PCBP3: variants seen among roughly 807,000 people sequenced by gnomAD.
PCBP3 encodes the protein poly(rC)-binding protein 3.
In PCBP3, 25 loss-of-function variants were observed where a neutral mutation model predicts 52.7. The observed-to-expected ratio is 0.47, with a 90% CI of 0.35 to 0.66. The LOEUF (loss-of-function observed/expected upper bound fraction) is 0.66. Among genes scored for constraint, PCBP3 ranks in the 30% least tolerant of loss-of-function variants. PCBP3 has a pLI of 0.01. For synonymous variants in PCBP3, 162 were observed against 183.0 expected (o/e 0.89, Z 0.93); for missense variants, 391 against 490.3 (o/e 0.80, Z 1.91).
At chr21:45,754,351 G>A (rs911468447) in intron 3 of PCBP3, among the ~76,000 whole-genome samples, 3 of 152,162 alleles carry the variant, frequency 2.0e-5, no homozygotes, top group South Asian at 4.1e-4. Flanking sequence ...AGGTATTGAC[G>A]TATTTGTTGT....
At position 45,724,382 on chromosome 21, in the gene PCBP3, G is replaced by GT. The variant is rs1469155221; in HGVS notation, c.-199-11009dup. Among the ~76,000 whole-genome samples, 2 of 152,058 alleles carry GT rather than the reference G, an allele frequency of 1.3e-5. No homozygotes were observed. The highest frequency in any genetic ancestry group is 3.9e-4 in the East Asian group (2 of 5,170). On this transcript the variant is annotated intron_variant, in intron 2 of 17. Coordinates refer to ENST00000681687, the MANE Select transcript of PCBP3 (RefSeq NM_001384156.1). This position sits in a 1 kb window ranked among gnomAD's most constrained non-coding sequence, Gnocchi z 5.3. ...GTGGGCTAAAACACTCCACAGGGTG[G>GT]TGCATGGGGGCTGCCCACACTCCCT...
At chr21:45,818,076 G>A (rs193146457) in intron 4 of PCBP3, among the ~76,000 whole-genome samples, 5 of 152,202 alleles carry the variant, frequency 3.3e-5, no homozygotes, top group African/African-American at 4.8e-5. Flanking sequence ...AGGCTGGAGT[G>A]CAGTGGTGCG....
rs935216857 is a variant in PCBP3 at position 45,797,965 on chromosome 21, GTGAA to G, written c.-126+42516_-126+42519del. ...ATGAATGCATGGATCCATAGAGAGA[GTGAA>G]TGGATGTGTACATGGATGAACGCAT... On this transcript the variant is annotated intron_variant, in intron 4 of 17. Transcript: ENST00000681687. 3.0e-4 allele frequency among the ~76,000 whole-genome samples: 11 copies of G among 36,134 alleles called. No individual in the cohort carries two copies. The Admixed American group carries it at 3.9e-3, about 13-fold the overall frequency. 23.7% of individuals were successfully genotyped at this position (36,134 alleles called of 152,430 possible). A position where few individuals can be genotyped will look rare whatever the true frequency, so the allele number is the denominator to read the frequency against.
intron 5 of PCBP3, among the ~76,000 whole-genome samples, chr21:45,874,338 G>C (rs931289992): frequency 6.6e-6 from 1 of 152,194 alleles, no homozygotes; most frequent in African/African-American, 2.4e-5. Flanking sequence ...ATTATGGAGA[G>C]TTCGAGTCAA....
intron 2 of PCBP3, among the ~76,000 whole-genome samples, chr21:45,734,438 C>T (rs1444629989): frequency 1.3e-5 from 2 of 152,240 alleles, no homozygotes; most frequent in Non-Finnish European, 2.9e-5. Context: ...ACTCTGCCCT[C>T]TAATTCTAGC....
intron 5 of PCBP3, among the ~76,000 whole-genome samples, chr21:45,884,556 G>C (rs945718840): frequency 4.0e-5 from 6 of 151,754 alleles, no homozygotes; most frequent in Non-Finnish European, 8.8e-5. Flanking sequence ...TATATGTCAC[G>C]TGTGTGTGCA....
At chr21:45,780,127 C>T (rs1457627602) in intron 4 of PCBP3, among the ~76,000 whole-genome samples, 1 of 152,212 alleles carries the variant, frequency 6.6e-6, no homozygotes, top group African/African-American at 2.4e-5. Context: ...TCAGGAATTT[C>T]AATCTCTAAA....
At chr21:45,664,568 A>G (rs1030684099) in intron 1 of PCBP3, among the ~76,000 whole-genome samples, 1 of 151,938 alleles carries the variant, frequency 6.6e-6, no homozygotes, top group Non-Finnish European at 1.5e-5. Context: ...ATATTTTCTT[A>G]ATTTCTTTCA....
At chr21:45,745,664 G>A (rs546247313) in intron 3 of PCBP3, among the ~76,000 whole-genome samples, 2 of 152,364 alleles carry the variant, frequency 1.3e-5, no homozygotes, top group South Asian at 4.1e-4. Context: ...GAGGAGCTGG[G>A]CAATGCATTC....
At chr21:45,725,532 C>G (rs932671675) in intron 2 of PCBP3, among the ~76,000 whole-genome samples, 3 of 152,228 alleles carry the variant, frequency 2.0e-5, no homozygotes, top group Non-Finnish European at 4.4e-5. Flanking sequence ...CCTGCCTGTC[C>G]TCTCTCCATT....
intron 11 of PCBP3, among the ~76,000 whole-genome samples, chr21:45,911,712 C>T (rs896334767): frequency 1.3e-5 from 2 of 152,178 alleles, no homozygotes; most frequent in Non-Finnish European, 2.9e-5. Context: ...ATGGAAAGTT[C>T]TAGCAGCTCT....
intron 5 of PCBP3, among the ~76,000 whole-genome samples, chr21:45,868,123 C>T (rs1302491401): frequency 6.6e-6 from 1 of 152,250 alleles, no homozygotes; most frequent in Non-Finnish European, 1.5e-5. Context: ...CAGACTCCTG[C>T]GCTTCACTGC....
chr21:45,658,779 A>T (rs918675183), intron 1 of PCBP3, among the ~76,000 whole-genome samples: 1 of 152,200 alleles, frequency 6.6e-6, no homozygotes, highest in African/African-American at 2.4e-5. Flanking sequence ...ATAGAATTTA[A>T]TAGTGAAGCC....
chr21:45,649,794 AT>A (rs561479591), intron 1 of PCBP3, among the ~76,000 whole-genome samples: 36 of 148,534 alleles, frequency 2.4e-4, no homozygotes, highest in Middle Eastern at 3.4e-3. Flanking sequence ...GAACTTTGTT[AT>A]TTTTTTTTTG....
At chr21:45,770,573 T>C (rs2089780197) in intron 4 of PCBP3, among the ~76,000 whole-genome samples, 1 of 152,266 alleles carries the variant, frequency 6.6e-6, no homozygotes, top group Non-Finnish European at 1.5e-5. Context: ...AAGTCAGTGC[T>C]GGTCTTGCCT....
chr21:45,778,960 A>G (rs998719991), intron 4 of PCBP3, among the ~76,000 whole-genome samples: 2 of 152,062 alleles, frequency 1.3e-5, no homozygotes, highest in African/African-American at 4.8e-5. Context: ...TAGGGAATGC[A>G]CACCCCTCTC....
chr21:45,646,107 C>CTCTCTCTGTGTGTGTGTGTG (rs1555895746), intron 1 of PCBP3, among the ~76,000 whole-genome samples: 3 of 83,824 alleles, frequency 3.6e-5, no homozygotes, highest in African/African-American at 9.5e-5. Flanking sequence ...CTCTCTCTCT[C>CTCTCTCTGTGTGTGTGTGTG]TGTGTGTGTG....
At chr21:45,742,989 ATAATT>A (rs1254467250) in intron 3 of PCBP3, among the ~76,000 whole-genome samples, 1 of 152,244 alleles carries the variant, frequency 6.6e-6, no homozygotes, top group Non-Finnish European at 1.5e-5. Context: ...GATCAGATCT[ATAATT>A]TAAATTATAA....
intron 5 of PCBP3, among the ~76,000 whole-genome samples, chr21:45,868,495 G>A (rs985231249): frequency 3.4e-5 from 5 of 145,494 alleles, no homozygotes; most frequent in African/African-American, 1.0e-4. Flanking sequence ...ACCTACAAAT[G>A]TGTGTGTCTG....
Sources: allele counts gnomAD v4.1 joint callset (sites outside exome capture counted in the v4.1 genomes callset), GRCh38; gene constraint gnomAD v4.1.1; non-coding constraint Gnocchi (gnomAD v3.1); transcripts MANE v1.5; gene names NCBI Gene and HGNC (gene_info 2026-07-23, HGNC 2026-07-21).